Variants in MBTD1 observed in about 807,000 individuals in gnomAD.
MBTD1 encodes mbt domain containing 1.
MBTD1 carries 24 observed loss-of-function variants against 87.8 expected under a neutral mutation model. The observed-to-expected ratio is 0.27, with a 90% CI of 0.20 to 0.38. The LOEUF is 0.38. Among genes scored for constraint, MBTD1 ranks in the 10% least tolerant of loss-of-function variants. The probability of loss-of-function intolerance (pLI) is 1.00; values close to 1 mark genes in which losing one functional copy is unlikely to be tolerated. For synonymous variants in MBTD1, 237 were observed against 248.6 expected (o/e 0.95, Z 0.44); for missense variants, 436 against 760.2 (o/e 0.57, Z 5.02).
chr17:51,246,592 T>G (rs1255907126), intron 2 of MBTD1, among the ~76,000 whole-genome samples: 6 of 152,182 alleles, frequency 3.9e-5, no homozygotes, highest in Admixed American at 6.6e-5. Flanking sequence ...AGATAAACAA[T>G]CACGTCACTA....
intron 2 of MBTD1, among the ~76,000 whole-genome samples, chr17:51,258,002 G>A (rs2055190811): frequency 1.0e-5 from 1 of 98,542 alleles, no homozygotes; most frequent in African/African-American, 4.6e-5. Flanking sequence ...AGAGAAGGAG[G>A]TGGTGCAAAA....
At chr17:51,235,693 T>C (rs968664598) in intron 2 of MBTD1, among the ~76,000 whole-genome samples, 3 of 152,208 alleles carry the variant, frequency 2.0e-5, no homozygotes, top group African/African-American at 4.8e-5. Context: ...ACTATGTTCA[T>C]GGATCAGAAA....
intron 12 of MBTD1, among the ~76,000 whole-genome samples, chr17:51,198,688 G>A (rs2051280956): frequency 6.6e-6 from 1 of 152,198 alleles, no homozygotes; most frequent in Non-Finnish European, 1.5e-5. Context: ...GAACTGAAAG[G>A]ATCCTCCCAG....
intron 2 of MBTD1, among the ~76,000 whole-genome samples, chr17:51,237,629 A>G (rs1423930132): frequency 6.6e-6 from 1 of 152,222 alleles, no homozygotes; most frequent in Non-Finnish European, 1.5e-5. Context: ...AGATACTGTA[A>G]CACACCTATT....
At chr17:51,260,631 G>C (rs775140475), upstream of MBTD1, 40 of 1,612,546 alleles carry the variant, frequency 2.5e-5, no homozygotes, top group Non-Finnish European at 3.1e-5. Flanking sequence ...CGGAGAACCG[G>C]AGCGAAGCCG....
At chr17:51,240,009 G>A (rs532431060) in intron 2 of MBTD1, among the ~76,000 whole-genome samples, 4 of 152,188 alleles carry the variant, frequency 2.6e-5, no homozygotes, top group African/African-American at 9.6e-5. Context: ...TTTGTCATGT[G>A]CCTTAGTCTT....
At chr17:51,235,138 A>ATT (rs71149357) in intron 2 of MBTD1, among the ~76,000 whole-genome samples, 12 of 150,920 alleles carry the variant, frequency 8.0e-5, no homozygotes, top group Admixed American at 2.0e-4. Context: ...ATAGGATGCA[A>ATT]TTTTTTTTTT....
chr17:51,198,568 G>T (rs1421227158), intron 12 of MBTD1, among the ~76,000 whole-genome samples: 1 of 152,216 alleles, frequency 6.6e-6, no homozygotes, highest in Non-Finnish European at 1.5e-5. Context: ...CTAGGGACTT[G>T]TATGTATCAC....
At chr17:51,193,739 C>T (rs1038363883) in intron 13 of MBTD1, among the ~76,000 whole-genome samples, 1 of 152,176 alleles carries the variant, frequency 6.6e-6, no homozygotes, top group Admixed American at 6.5e-5. Context: ...CTGCCTTAGC[C>T]TCTCTAGTAG....
intron 12 of MBTD1, among the ~76,000 whole-genome samples, chr17:51,198,982 G>A (rs1249833234): frequency 6.6e-6 from 1 of 152,122 alleles, no homozygotes; most frequent in African/African-American, 2.4e-5. Context: ...TTTGTATGGA[G>A]ATGGGGTTTT....
At chr17:51,239,133 G>A (rs1243064553) in intron 2 of MBTD1, among the ~76,000 whole-genome samples, 4 of 151,210 alleles carry the variant, frequency 2.6e-5, no homozygotes, top group East Asian at 1.9e-4. Context: ...CTGGATAAGC[G>A]TGAAAACAAC....
intron 5 of MBTD1, among the ~76,000 whole-genome samples, chr17:51,218,462 G>C (rs2052699243): frequency 6.8e-6 from 1 of 146,350 alleles, no homozygotes; most frequent in Admixed American, 7.1e-5. Context: ...CCATGAGGCA[G>C]AGGTTACAGT....
At chr17:51,244,038 A>T (rs188797739) in intron 2 of MBTD1, among the ~76,000 whole-genome samples, 1 of 152,314 alleles carries the variant, frequency 6.6e-6, no homozygotes, top group East Asian at 1.9e-4. Flanking sequence ...GTTAAGGTGT[A>T]GTCCAGTTTT....
chr17:51,183,262 C>T (rs1354342792), intron 16 of MBTD1: 2 of 150,934 alleles, frequency 1.3e-5, no homozygotes, highest in Non-Finnish European at 2.9e-5. Flanking sequence ...CCTCCACCTC[C>T]CAGGTTCAAG....
At chr17:51,221,535 A>C (rs2052889175) in intron 3 of MBTD1, among the ~76,000 whole-genome samples, 1 of 152,222 alleles carries the variant, frequency 6.6e-6, no homozygotes, top group South Asian at 2.1e-4. Flanking sequence ...CCACCCAAAC[A>C]GGTAAACTGG....
intron 6 of MBTD1, among the ~76,000 whole-genome samples, chr17:51,215,927 ATT>A (rs35988235): frequency 1.1e-4 from 12 of 114,188 alleles, no homozygotes; most frequent in Admixed American, 2.0e-4. Flanking sequence ...TAAAGCCCTA[ATT>A]TTTTTTTTTT....
chr17:51,208,506 C>A (rs114480195), intron 6 of MBTD1, among the ~76,000 whole-genome samples: 204 of 152,242 alleles, frequency 1.3e-3, no homozygotes, highest in African/African-American at 4.6e-3. Flanking sequence ...AAAAAGGAGA[C>A]ACTAGAAAGA....
intron 15 of MBTD1, 190 bp from the exon 16 acceptor site, chr17:51,192,470 T>G: frequency 1.6e-6 from 1 of 628,346 alleles, no homozygotes; most frequent in South Asian, 2.2e-5. Context: ...CACTATTTAC[T>G]CAAAAGCATT....
chr17:51,193,154 A>G, intron 14 of MBTD1, 138 bp from the exon 15 acceptor site: 1 of 668,922 alleles, frequency 1.5e-6, no homozygotes, highest in Non-Finnish European at 2.6e-6. Flanking sequence ...TAATTCTTTA[A>G]CTATTTAAAC....
Sources: gnomAD v4.1 joint callset for allele counts (sites outside exome capture counted in the v4.1 genomes callset) on GRCh38, gnomAD v4.1.1 for gene constraint, MANE v1.5 for transcripts, NCBI Gene and HGNC (gene_info 2026-07-23, HGNC 2026-07-21) for gene names.